ARHGAP44: variants seen among roughly 807,000 people sequenced by gnomAD.
ARHGAP44 encodes the protein Rho GTPase activating protein 44.
A neutral mutation model predicts 106.8 loss-of-function variants in ARHGAP44; 43 were observed. That is an observed-to-expected ratio of 0.40 (90% CI 0.32 to 0.52). The LOEUF is 0.52. ARHGAP44 is among the 20% of genes least tolerant of loss of function. The pLI, the probability that ARHGAP44 is intolerant of heterozygous loss-of-function variation, is 0.48. For missense variants in ARHGAP44, 866 were observed against 1,050.5 expected, an observed-to-expected ratio of 0.82 and a Z score of 2.43; for synonymous variants, 439 against 410.3, an observed-to-expected ratio of 1.07 and a Z score of -0.85.
Position 12,894,990 on chromosome 17 carries a change from C to A in ARHGAP44, c.93+11C>A. ...GAAGACCTTCTTCAGGTAAGGCGGCCATTGACACTGGCTCACAGATACCAG... is the reference window on the plus strand; with the variant it reads ...GAAGACCTTCTTCAGGTAAGGCGGCAATTGACACTGGCTCACAGATACCAG... On this transcript the variant is annotated intron_variant, in intron 2 of 20. Transcript: ENST00000379672. 3 of 1,581,654 alleles carry A rather than the reference C, an allele frequency of 1.9e-6. No individual in the cohort carries two copies. Among genetic ancestry groups the A allele is most frequent in the Non-Finnish European group, 2.6e-6 (3 of 1,162,842 alleles).
At chr17:12,941,853 A>G (rs568823589) in intron 8 of ARHGAP44, among the ~76,000 whole-genome samples, 1 of 152,200 alleles carries the variant, frequency 6.6e-6, no homozygotes, top group South Asian at 2.1e-4. Flanking sequence ...AGTTCAAATA[A>G]AAAAAAATCA....
chr17:12,890,605 C>T (rs538785147), intron 1 of ARHGAP44, among the ~76,000 whole-genome samples: 1 of 152,306 alleles, frequency 6.6e-6, no homozygotes, highest in African/African-American at 2.4e-5. Context: ...CCTCAAAGAT[C>T]TCTGAAATAT....
intron 1 of ARHGAP44, among the ~76,000 whole-genome samples, chr17:12,858,927 C>G (rs986648978): frequency 6.6e-6 from 1 of 152,090 alleles, no homozygotes; most frequent in African/African-American, 2.4e-5. Flanking sequence ...AGGGGAAACC[C>G]CTTATAAACC....
chr17:12,919,330 C>T (rs138366004), intron 5 of ARHGAP44, among the ~76,000 whole-genome samples: 36 of 151,610 alleles, frequency 2.4e-4, no homozygotes, highest in South Asian at 1.9e-3. Context: ...ATAAGGATTG[C>T]GAGACCGCTA....
At chr17:12,928,795 T>C (rs1250572643) in intron 6 of ARHGAP44, 134 bp from the exon 7 acceptor site, 2 of 712,124 alleles carry the variant, frequency 2.8e-6, no homozygotes, top group African/African-American at 1.8e-5. Context: ...TGGTGCCTTT[T>C]CATGACCTCC....
intron 7 of ARHGAP44, among the ~76,000 whole-genome samples, chr17:12,931,833 A>C (rs2038409853): frequency 8.4e-6 from 1 of 119,580 alleles, no homozygotes; most frequent in South Asian, 2.9e-4. Flanking sequence ...GATATTCCAC[A>C]GTAGGGATAC....
At chr17:12,910,377 G>A (rs1242849196) in intron 4 of ARHGAP44, among the ~76,000 whole-genome samples, 1 of 146,880 alleles carries the variant, frequency 6.8e-6, no homozygotes, top group Non-Finnish European at 1.5e-5. Context: ...TTATTAAAAT[G>A]TGTAGTACAT....
chr17:12,834,194 G>A (rs2035171159), intron 1 of ARHGAP44, among the ~76,000 whole-genome samples: 1 of 152,032 alleles, frequency 6.6e-6, no homozygotes, highest in Non-Finnish European at 1.5e-5. Flanking sequence ...ACTCTCAGGA[G>A]CTGCTCCTCT....
intron 18 of ARHGAP44, among the ~76,000 whole-genome samples, chr17:12,979,620 G>A (rs187865350): frequency 3.3e-5 from 5 of 152,324 alleles, no homozygotes; most frequent in East Asian, 3.9e-4. Flanking sequence ...GCAGGAGTCC[G>A]TGTCATCAGC....
intron 1 of ARHGAP44, among the ~76,000 whole-genome samples, chr17:12,840,421 G>A (rs1319533860): frequency 2.6e-5 from 4 of 152,208 alleles, no homozygotes; most frequent in Non-Finnish European, 4.4e-5. Flanking sequence ...GGGAGCCACA[G>A]TCAAATAAGC....
intron 1 of ARHGAP44, among the ~76,000 whole-genome samples, chr17:12,867,675 T>C (rs2150876393): frequency 6.6e-6 from 1 of 152,300 alleles, no homozygotes; most frequent in Middle Eastern, 3.4e-3. Context: ...CCTTACACGT[T>C]ACACAGAGTC....
At chr17:12,887,649 A>G (rs1181379340) in intron 1 of ARHGAP44, among the ~76,000 whole-genome samples, 1 of 152,198 alleles carries the variant, frequency 6.6e-6, no homozygotes, top group Admixed American at 6.5e-5. Context: ...TTAGATTCAT[A>G]AAATGAATTG....
chr17:12,970,779 A>G (rs2039510261), intron 16 of ARHGAP44, among the ~76,000 whole-genome samples: 1 of 152,194 alleles, frequency 6.6e-6, no homozygotes, highest in Admixed American at 6.5e-5. Flanking sequence ...GAAGCTTGTG[A>G]ACTGCTGATA....
At chr17:12,972,665 AT>A (rs11348468) in intron 16 of ARHGAP44, among the ~76,000 whole-genome samples, 113,966 of 147,034 alleles carry the variant, frequency 0.78, 44,755 homozygotes, top group African/African-American at 0.92. Flanking sequence ...ATAAATAAAT[AT>A]TTTTTTTTTT....
chr17:12,915,035 TTTTG>T lies in ARHGAP44; in HGVS notation c.276-857_276-854del, dbSNP rs142815705. On this transcript the variant is annotated intron_variant, in intron 4 of 20. Coordinates refer to ENST00000379672, the MANE Select transcript of ARHGAP44 (RefSeq NM_014859.6). ...TACGTTTGTTGACTTGTAAAAGCTT[TTTTG>T]TTTGTTTATGTGTTTTTGAGACAGG... Among the ~76,000 whole-genome samples the T allele has an allele frequency of 3.8e-3, 572 of 152,236 alleles. 18 individuals are homozygous for T. In the East Asian group the frequency reaches 0.068, roughly 18 times the overall value.
At chr17:12,918,087 C>T (rs2037970185) in intron 5 of ARHGAP44, among the ~76,000 whole-genome samples, 1 of 152,204 alleles carries the variant, frequency 6.6e-6, no homozygotes, top group South Asian at 2.1e-4. Context: ...TCACGAGGTC[C>T]CCTCTGTGCC....
intron 4 of ARHGAP44, among the ~76,000 whole-genome samples, chr17:12,912,463 A>G (rs1466869206): frequency 6.6e-6 from 1 of 152,158 alleles, no homozygotes; most frequent in Non-Finnish European, 1.5e-5. Flanking sequence ...CAATCCAGGA[A>G]GTCTTATGCC....
At chr17:12,900,188 G>A (rs753299710) in intron 3 of ARHGAP44, among the ~76,000 whole-genome samples, 3 of 151,492 alleles carry the variant, frequency 2.0e-5, no homozygotes, top group Non-Finnish European at 2.9e-5. Flanking sequence ...GGAGCGCAGT[G>A]GCACCATTTC....
chr17:12,819,209 T>C (rs1038124283), intron 1 of ARHGAP44, among the ~76,000 whole-genome samples: 11 of 152,090 alleles, frequency 7.2e-5, no homozygotes, highest in African/African-American at 1.9e-4. Flanking sequence ...ATGTGTTCTT[T>C]TGTGCCTGAC....
Sources: allele counts gnomAD v4.1 joint callset (sites outside exome capture counted in the v4.1 genomes callset), GRCh38; gene constraint gnomAD v4.1.1; transcripts MANE v1.5; gene names NCBI Gene and HGNC (gene_info 2026-07-23, HGNC 2026-07-21).